Variants in MAST4 observed in about 807,000 individuals in gnomAD.
MAST4 encodes the protein microtubule-associated serine/threonine-protein kinase 4.
A neutral mutation model predicts 162.7 loss-of-function variants in MAST4; 89 were observed. That is an observed-to-expected ratio of 0.55 (90% CI 0.46 to 0.65). The LOEUF (loss-of-function observed/expected upper bound fraction) is 0.65. Among genes scored for constraint, MAST4 ranks in the 30% least tolerant of loss-of-function variants. The pLI is 0.00. For synonymous variants in MAST4, 1,479 were observed against 1,361.1 expected (o/e 1.09, Z -1.91); for missense variants, 3,153 against 3,374.0 (o/e 0.93, Z 1.62).
At chr5:67,125,290 A>G (rs1768086698) in intron 14 of MAST4, among the ~76,000 whole-genome samples, 1 of 150,912 alleles carries the variant, frequency 6.6e-6, no homozygotes, top group Admixed American at 6.6e-5. Context: ...TCTGGGGTAC[A>G]TGTGCAGAAC....
intron 1 of MAST4, among the ~76,000 whole-genome samples, chr5:66,677,129 G>A (rs533690498): frequency 6.6e-6 from 1 of 152,314 alleles, no homozygotes; most frequent in African/African-American, 2.4e-5. Context: ...TGGAATGGAA[G>A]TTAAAAGTTT....
intron 26 of MAST4, among the ~76,000 whole-genome samples, chr5:67,155,536 T>G (rs1305370539): frequency 2.0e-5 from 3 of 152,344 alleles, no homozygotes; most frequent in Middle Eastern, 3.4e-3. Context: ...GAAACTTTCT[T>G]TTCAACCAAG....
chr5:66,724,207 C>T (rs1751382232), intron 1 of MAST4, among the ~76,000 whole-genome samples: 1 of 152,124 alleles, frequency 6.6e-6, no homozygotes, highest in African/African-American at 2.4e-5. Context: ...TTTCCTTTTA[C>T]AACAGTTACA....
rs1770922770 is a variant in MAST4, at chr5:67,145,198, C to T, written c.2913C>T (p.Leu971=). The stretch of plus-strand genomic sequence containing the variant: ...ATACTGAAAGCAACAGACATAAACT[C>T]AGTTCTGGCCTACTTCCCAAACTGG... ...SSDTESNRHK[L]SSGLLPKLAI... Residue 971 remains leucine (L), a synonymous_variant, in exon 23 of 29, where the codon CTC becomes CTT. Transcript: ENST00000403625. 4.3e-6 allele frequency: 7 copies of T among 1,613,378 alleles called. No individual in the cohort carries two copies. The highest frequency in any genetic ancestry group is 1.6e-4 in the Middle Eastern group (1 of 6,062).
chr5:66,849,516 T>C (rs542335153), intron 3 of MAST4, among the ~76,000 whole-genome samples: 55 of 152,246 alleles, frequency 3.6e-4, no homozygotes, highest in African/African-American at 1.3e-3. Context: ...ATCTCCTCCT[T>C]TCCTGGAGTT....
In MAST4 at chr5:67,164,431, G is replaced by A. The variant is rs1773618840; in HGVS notation, c.5252G>A (p.Ser1751Asn). 2 of 1,613,930 alleles carry A rather than the reference G, an allele frequency of 1.2e-6. No individual in the cohort carries two copies. The highest frequency in any genetic ancestry group is 1.7e-5 in the Admixed American group (1 of 60,016). The change falls in exon 29 of 29, where the codon AGT becomes AAT. Residue 1751 changes from serine to asparagine, a missense_variant. Transcript: ENST00000403625. This position sits in a 1 kb window ranked among gnomAD's most constrained non-coding sequence, Gnocchi z 5.3. ...AGCAGCACCCATGCAGCTCAGATGA[G>A]TGCCGTCTCTTTTGTTCCCCTCAAG... is the stretch of plus-strand genomic sequence containing the variant. Reference protein sequence around the residue: ...FVSSTHAAQMSAVSFVPLKAL... With the variant: ...FVSSTHAAQMNAVSFVPLKAL...
chr5:66,857,391 T>C (rs1173516470), intron 3 of MAST4, among the ~76,000 whole-genome samples: 1 of 152,234 alleles, frequency 6.6e-6, no homozygotes, highest in East Asian at 1.9e-4. Context: ...GCTTGCTGTC[T>C]GTAGGTGAGT....
chr5:66,711,352 G>T (rs947499432), intron 1 of MAST4, among the ~76,000 whole-genome samples: 2 of 152,154 alleles, frequency 1.3e-5, no homozygotes, highest in East Asian at 1.9e-4. Context: ...TATTGGCAGG[G>T]CTCATTCCTT....
intron 3 of MAST4, among the ~76,000 whole-genome samples, chr5:66,882,393 C>T (rs1347901078): frequency 6.6e-6 from 1 of 152,132 alleles, no homozygotes; most frequent in Non-Finnish European, 1.5e-5. Flanking sequence ...TATTGTCCCA[C>T]AGATCTTAGG....
intron 1 of MAST4, among the ~76,000 whole-genome samples, chr5:66,673,502 C>G (rs559569179): frequency 1.3e-5 from 2 of 150,016 alleles, no homozygotes; most frequent in South Asian, 4.2e-4. Context: ...AACTACAATA[C>G]GCTAGTTTTT....
chr5:67,118,521 A>G (rs112694921), intron 12 of MAST4, among the ~76,000 whole-genome samples, 161 bp from the exon 13 acceptor site: 2,975 of 152,224 alleles, frequency 0.02, 108 homozygotes, highest in African/African-American at 0.068. Context: ...CAAAATACCA[A>G]TTGCTGCCTT....
intron 4 of MAST4, chr5:67,004,806 C>T (rs527850972): frequency 9.6e-5 from 55 of 570,944 alleles, no homozygotes; most frequent in Non-Finnish European, 1.6e-4. Context: ...TAGGACGGGA[C>T]GGGTACTTCT....
intron 3 of MAST4, among the ~76,000 whole-genome samples, chr5:66,806,643 A>C (rs2149706608): frequency 6.6e-6 from 1 of 152,354 alleles, no homozygotes; most frequent in East Asian, 1.9e-4. Flanking sequence ...AATATTTTCT[A>C]TCATAAGTTG....
At chr5:66,786,693 C>T (rs778794085) in intron 2 of MAST4, among the ~76,000 whole-genome samples, 2 of 152,056 alleles carry the variant, frequency 1.3e-5, no homozygotes, top group Non-Finnish European at 1.5e-5. Flanking sequence ...TTCTCAAAGC[C>T]GTTCTTAGTT....
intron 4 of MAST4, among the ~76,000 whole-genome samples, chr5:66,937,892 A>T (rs188960420): frequency 3.3e-4 from 50 of 151,850 alleles, no homozygotes; most frequent in Admixed American, 7.9e-4. Flanking sequence ...GTTAACCCAT[A>T]TTTTTTTATG....
At chr5:66,604,547 T>C (rs562995957) in intron 1 of MAST4, among the ~76,000 whole-genome samples, 1 of 152,348 alleles carries the variant, frequency 6.6e-6, no homozygotes, top group East Asian at 1.9e-4. Context: ...GCTTTTGCGG[T>C]GTTTTCAGTG....
chr5:66,737,060 A>G (rs1402455877), intron 1 of MAST4, among the ~76,000 whole-genome samples: 1 of 152,220 alleles, frequency 6.6e-6, no homozygotes, highest in East Asian at 1.9e-4. Context: ...TTTCCTGTGT[A>G]AGAAATTATC....
chr5:66,757,787 A>T (rs75686812), intron 1 of MAST4, among the ~76,000 whole-genome samples: 4,062 of 152,316 alleles, frequency 0.027, 126 homozygotes, highest in South Asian at 0.12. Flanking sequence ...TGTAGTTGCA[A>T]ATGTTTTTCT....
chr5:66,872,665 A>T (rs1402174902), intron 3 of MAST4, among the ~76,000 whole-genome samples: 1 of 152,190 alleles, frequency 6.6e-6, no homozygotes, highest in Non-Finnish European at 1.5e-5. Context: ...ATGAAGGAAA[A>T]AATAGACTAG....
Sources: gnomAD v4.1 joint callset for allele counts (sites outside exome capture counted in the v4.1 genomes callset) on GRCh38, gnomAD v4.1.1 for gene constraint, Gnocchi (gnomAD v3.1) non-coding constraint, MANE v1.5 for transcripts, NCBI Gene and HGNC (gene_info 2026-07-23, HGNC 2026-07-21) for gene names.